Variants in GRAP2 observed in about 807,000 individuals in gnomAD.
GRAP2 encodes GRB2-related adapter protein 2.
In GRAP2, 31 loss-of-function variants were observed where a neutral mutation model predicts 43.5. That is an observed-to-expected ratio of 0.71 (90% CI 0.54 to 0.96). The LOEUF (loss-of-function observed/expected upper bound fraction) is 0.96. Ranked by LOEUF, GRAP2 falls within the 40% of genes least tolerant of loss-of-function variation. GRAP2 has a pLI of 0.00. For missense variants in GRAP2, 371 were observed against 424.4 expected, an observed-to-expected ratio of 0.87 and a Z score of 1.11; for synonymous variants, 156 against 164.8, an observed-to-expected ratio of 0.95 and a Z score of 0.41.
chr22:39,968,485 TCACA>T (rs35783963), intron 6 of GRAP2: 17 of 528,288 alleles, frequency 3.2e-5, no homozygotes, highest in Admixed American at 6.6e-5. Context: ...ACACACTGTC[TCACA>T]CACACACACA....
Position 39,969,461 on chromosome 22 carries a change from C to T in GRAP2, c.741C>T (p.Gly247=), listed in dbSNP as rs2067215169. 2 of 1,613,898 alleles carry T rather than the reference C, an allele frequency of 1.2e-6. No individual in the cohort carries two copies. Among genetic ancestry groups the T allele is most frequent in the Admixed American group, 1.7e-5 (1 of 59,996 alleles). The change falls in exon 7 of 8, where the codon GGC becomes GGT. Residue 247 remains glycine (G), a synonymous_variant. Transcript: ENST00000344138. ...TAAATGATGGGCATTGTGGCACCGG[C>T]TTGGGCAGTGAAATGAATGCGGCCC... ...LDINDGHCGT[G]LGSEMNAALM... is the part of the protein sequence containing the mutation.
intron 1 of GRAP2, among the ~76,000 whole-genome samples, chr22:39,941,862 GTT>G (rs796395252): frequency 2.1e-5 from 3 of 143,404 alleles, no homozygotes; most frequent in African/African-American, 5.1e-5. Context: ...CAGGAGAGGT[GTT>G]TTTTTTTTTT....
At chr22:39,965,906 C>T (rs968196034) in intron 4 of GRAP2, 84 bp from the exon 5 acceptor site, 6 of 1,133,020 alleles carry the variant, frequency 5.3e-6, no homozygotes, top group Non-Finnish European at 6.7e-6. Flanking sequence ...TCAAAGAGAA[C>T]TCCACCATCC....
intron 2 of GRAP2, among the ~76,000 whole-genome samples, chr22:39,952,496 T>C (rs769123338): frequency 4.6e-5 from 7 of 152,152 alleles, no homozygotes; most frequent in Non-Finnish European, 1.0e-4. Flanking sequence ...TGCTCTTGTG[T>C]TTTTACGTGG....
intron 1 of GRAP2, among the ~76,000 whole-genome samples, chr22:39,941,284 A>C (rs1481747693): frequency 6.6e-6 from 1 of 152,210 alleles, no homozygotes; most frequent in African/African-American, 2.4e-5. Context: ...GAGTCTACGC[A>C]TTAATACAGA....
chr22:39,897,177 C>G (rs1038403716), upstream of GRAP2, among the ~76,000 whole-genome samples: 3 of 152,186 alleles, frequency 2.0e-5, no homozygotes, highest in Non-Finnish European at 2.9e-5. Flanking sequence ...GTCTTGCCTT[C>G]CAAACCTTCT....
At chr22:39,935,760 A>C (rs1215726274) in intron 1 of GRAP2, among the ~76,000 whole-genome samples, 1 of 152,192 alleles carries the variant, frequency 6.6e-6, no homozygotes, top group Non-Finnish European at 1.5e-5. Context: ...AGCGTAAGTA[A>C]AAGTGACAGC....
At chr22:39,918,231 A>G (rs55793831) in intron 1 of GRAP2, among the ~76,000 whole-genome samples, 1 of 152,150 alleles carries the variant, frequency 6.6e-6, no homozygotes, top group Non-Finnish European at 1.5e-5. Flanking sequence ...AAACCATTTC[A>G]TGCCTCCTGC....
At chr22:39,922,726 G>A (rs1193988304) in intron 1 of GRAP2, among the ~76,000 whole-genome samples, 1 of 152,186 alleles carries the variant, frequency 6.6e-6, no homozygotes, top group African/African-American at 2.4e-5. Flanking sequence ...AAGGAGGGCT[G>A]ATGGAAAGAT....
At chr22:39,919,373 T>C (rs775802540) in intron 1 of GRAP2, among the ~76,000 whole-genome samples, 6 of 152,246 alleles carry the variant, frequency 3.9e-5, no homozygotes, top group Non-Finnish European at 2.9e-5. Flanking sequence ...TGTATGTATT[T>C]ATTTTTGTAG....
In GRAP2 at chr22:39,970,915, G is replaced by C; in HGVS notation, c.824G>C (p.Trp275Ser). The C allele has an allele frequency of 6.2e-7, 1 of 1,603,178 alleles. No individual in the cohort carries two copies. Among genetic ancestry groups the C allele is most frequent in the Non-Finnish European group, 8.5e-7 (1 of 1,175,272 alleles). ...TGCTTCCCCCAACAGCGAGTGCGGT[G>C]GGCCCGGGCGCTGTATGACTTTGAG... ...VQLQAAGRVR[W>S]ARALYDFEAL... The change falls in exon 8 of 8, where the codon TGG (tryptophan) becomes TCG (serine). Residue 275 changes from tryptophan (W) to serine (S), a missense_variant. Trp to Ser is a radical substitution (Grantham distance 177). Transcript: ENST00000344138.
intron 1 of GRAP2, among the ~76,000 whole-genome samples, chr22:39,909,053 G>T (rs1397248647): frequency 1.3e-5 from 2 of 152,178 alleles, no homozygotes. Context: ...GACTTTTGAA[G>T]ATTCATGTGT....
chr22:39,938,260 A>G (rs931753429), intron 1 of GRAP2, among the ~76,000 whole-genome samples: 7 of 152,238 alleles, frequency 4.6e-5, no homozygotes, highest in African/African-American at 1.7e-4. Context: ...CTTGAGACCA[A>G]TGAAGTCTCC....
intron 2 of GRAP2, among the ~76,000 whole-genome samples, chr22:39,953,187 C>T (rs2067007006): frequency 6.6e-6 from 1 of 152,340 alleles, no homozygotes; most frequent in Admixed American, 6.5e-5. Flanking sequence ...CAAGCCCCAA[C>T]CTTAGCCTCT....
intron 1 of GRAP2, among the ~76,000 whole-genome samples, chr22:39,914,670 C>A (rs984688939): frequency 1.3e-5 from 2 of 152,130 alleles, no homozygotes; most frequent in Non-Finnish European, 2.9e-5. Context: ...GAGATTTATT[C>A]CAACTAGATT....
At position 39,955,872 on chromosome 22, in the gene GRAP2, A is replaced by T. The variant is rs746842346; in HGVS notation, c.132A>T (p.Gly44=). Residue 44 remains glycine (G), a synonymous_variant, in exon 3 of 8, where the codon GGA becomes GGT. Transcript: ENST00000344138. The part of the protein sequence containing the change: ...WFKAELGSQE[G]YVPKNFIDIQ... ...AGGCGGAGCTTGGGAGCCAGGAAGGATATGTGCCCAAGAATTTCATAGACA... is the reference window on the plus strand; with the variant it reads ...AGGCGGAGCTTGGGAGCCAGGAAGGTTATGTGCCCAAGAATTTCATAGACA... 66 of 1,587,922 alleles carry T rather than the reference A, an allele frequency of 4.2e-5. No homozygotes were observed. Among genetic ancestry groups the T allele is most frequent in the Non-Finnish European group, 5.5e-5 (64 of 1,156,336 alleles).
chr22:39,933,097 A>G (rs184357116), intron 1 of GRAP2, among the ~76,000 whole-genome samples: 33 of 152,154 alleles, frequency 2.2e-4, no homozygotes, highest in Admixed American at 1.4e-3. Context: ...GGCCCTGAGT[A>G]AAGCTTTAAA....
At chr22:39,910,500 G>A (rs964835001) in intron 1 of GRAP2, among the ~76,000 whole-genome samples, 1 of 151,272 alleles carries the variant, frequency 6.6e-6, no homozygotes, top group South Asian at 2.1e-4. Context: ...CCTCTGCCTC[G>A]TGAGTTCAAG....
At chr22:39,947,292 G>A in intron 2 of GRAP2, 108 bp downstream of exon 2, 1 of 754,500 alleles carries the variant, frequency 1.3e-6, no homozygotes, top group Non-Finnish European at 2.5e-6. Context: ...CTTTTAAAAA[G>A]AGAAGTTCAC....
Sources: allele counts gnomAD v4.1 joint callset (sites outside exome capture counted in the v4.1 genomes callset), GRCh38; gene constraint gnomAD v4.1.1; transcripts MANE v1.5; gene names NCBI Gene and HGNC (gene_info 2026-07-23, HGNC 2026-07-21).